The following CNTN3 variants were observed in gnomAD, a reference collection of about 807,000 sequenced individuals.
CNTN3 encodes the protein contactin-3.
Under a neutral mutation model 119.1 loss-of-function variants are expected in CNTN3, and 60 were observed. The ratio of observed to expected loss-of-function variants is 0.50; its 90% CI spans 0.41 to 0.62. The LOEUF is 0.62. CNTN3 is among the 20% of genes least tolerant of loss of function. CNTN3 has a pLI of 0.00. For missense variants in CNTN3, 1,101 were observed against 1,242.4 expected (o/e 0.89, Z 1.71); for synonymous variants, 450 against 438.7 (o/e 1.03, Z -0.32).
chr3:74,428,060 T>C (rs551912596), intron 4 of CNTN3, among the ~76,000 whole-genome samples: 47 of 152,242 alleles, frequency 3.1e-4, no homozygotes, highest in African/African-American at 1.1e-3. Flanking sequence ...ATCATAGGCA[T>C]CATGACATAG....
chr3:74,366,102 C>A (rs1294143396), intron 8 of CNTN3, among the ~76,000 whole-genome samples: 1 of 152,056 alleles, frequency 6.6e-6, no homozygotes, highest in East Asian at 1.9e-4. Context: ...TGAATGACAG[C>A]ATATATTGTT....
At chr3:74,567,938 A>T (rs1295909738) in intron 1 of CNTN3, among the ~76,000 whole-genome samples, 1 of 152,208 alleles carries the variant, frequency 6.6e-6, no homozygotes, top group Non-Finnish European at 1.5e-5. Context: ...CAAGATTTTA[A>T]CAATTCCCAG....
At chr3:74,307,629 T>C (rs1283104275) in intron 13 of CNTN3, among the ~76,000 whole-genome samples, 5 of 152,124 alleles carry the variant, frequency 3.3e-5, no homozygotes, top group African/African-American at 1.2e-4. Context: ...CCTGATTTGA[T>C]AACCCATACC....
intron 13 of CNTN3, among the ~76,000 whole-genome samples, chr3:74,318,148 C>T (rs1054635636): frequency 2.0e-5 from 3 of 152,210 alleles, no homozygotes; most frequent in East Asian, 3.9e-4. Context: ...GAGGTTTCTG[C>T]ATTCTTCACG....
At chr3:74,446,317 G>A (rs993437155) in intron 4 of CNTN3, among the ~76,000 whole-genome samples, 1 of 152,128 alleles carries the variant, frequency 6.6e-6, no homozygotes, top group African/African-American at 2.4e-5. Context: ...TGCATTAATT[G>A]TGGCAGAAAA....
intron 1 of CNTN3, among the ~76,000 whole-genome samples, chr3:74,570,161 G>A (rs1009348157): frequency 6.6e-6 from 1 of 151,962 alleles, no homozygotes; most frequent in East Asian, 1.9e-4. Context: ...TGATATCATG[G>A]AGTATCATGG....
chr3:74,335,609 T>A (rs547770409), intron 12 of CNTN3, among the ~76,000 whole-genome samples: 1 of 152,208 alleles, frequency 6.6e-6, no homozygotes, highest in Admixed American at 6.5e-5. Context: ...GCTAGTCAAT[T>A]CCCTCTTTAA....
rs142979363 is a variant in CNTN3 at position 74,325,402 on chromosome 3, A to C, written c.1668+9333T>G. Among the ~76,000 whole-genome samples, 471 of 152,308 alleles carry C rather than the reference A, an allele frequency of 3.1e-3. 6 individuals carry two copies. The highest frequency in any genetic ancestry group is 0.011 in the African/African-American group (457 of 41,572). On this transcript the variant is annotated intron_variant, in intron 13 of 22. Transcript: ENST00000263665. ...TTATAATTCCCAATCTTTCCTCAGT[A>C]TCCAAATTCCTAATAAGCAAATGGA...
Position 74,495,781 on chromosome 3 carries a change from C to G in CNTN3, c.182+3878G>C, listed in dbSNP as rs375391040. On this transcript the variant is annotated intron_variant, in intron 3 of 22. Transcript: ENST00000263665. ...AACCATGTTTAAGGGCAACTGTGGC[C>G]AGGAAAGACCTCCACTTTGCAATGA... is the stretch of plus-strand genomic sequence containing the variant. 1.7e-3 allele frequency among the ~76,000 whole-genome samples: 262 copies of G among 152,100 alleles called. 1 individual carries two copies. In the South Asian group the frequency reaches 0.024, roughly 14 times the overall value.
chr3:74,517,605 C>T (rs957889117), intron 2 of CNTN3, among the ~76,000 whole-genome samples: 2 of 151,884 alleles, frequency 1.3e-5, no homozygotes, highest in African/African-American at 2.4e-5. Flanking sequence ...AGGCTTCCTA[C>T]TCACAAGCCT....
chr3:74,438,578 T>G (rs1384828966), intron 4 of CNTN3, among the ~76,000 whole-genome samples: 1 of 152,212 alleles, frequency 6.6e-6, no homozygotes, highest in Non-Finnish European at 1.5e-5. Context: ...CTAGTTTACC[T>G]GTATTTATCC....
chr3:74,610,389 G>T lies in CNTN3; in HGVS notation c.-81+4002C>A, dbSNP rs540878888. 2.6e-5 allele frequency among the ~76,000 whole-genome samples: 4 copies of T among 151,960 alleles called. No homozygotes were observed. The South Asian group carries it at 8.3e-4, about 32-fold the overall frequency. ...TGTGCACACGTGTGTGCGTATGTGTGTTTAGGCGTTAGGGCTGGACAGGGC... is the reference window on the plus strand; with the variant it reads ...TGTGCACACGTGTGTGCGTATGTGTTTTTAGGCGTTAGGGCTGGACAGGGC... On this transcript the variant is annotated intron_variant, in intron 1 of 22. Transcript: ENST00000263665.
chr3:74,608,007 T>C (rs1705021480), intron 1 of CNTN3, among the ~76,000 whole-genome samples: 1 of 152,208 alleles, frequency 6.6e-6, no homozygotes, highest in Non-Finnish European at 1.5e-5. Flanking sequence ...GCAGGACAGA[T>C]ATATACAATG....
At chr3:74,552,959 T>A (rs892096820) in intron 1 of CNTN3, among the ~76,000 whole-genome samples, 1 of 152,142 alleles carries the variant, frequency 6.6e-6, no homozygotes, top group Non-Finnish European at 1.5e-5. Flanking sequence ...AATTGTACTT[T>A]AAGTTATGAG....
At chr3:74,330,727 C>A (rs1286642533) in intron 13 of CNTN3, among the ~76,000 whole-genome samples, 1 of 152,086 alleles carries the variant, frequency 6.6e-6, no homozygotes, top group Non-Finnish European at 1.5e-5. Flanking sequence ...CCCCTGCAGA[C>A]CTCCCAGTGA....
intron 5 of CNTN3, among the ~76,000 whole-genome samples, chr3:74,406,169 A>G (rs944936673): frequency 1.3e-5 from 2 of 152,138 alleles, no homozygotes; most frequent in African/African-American, 2.4e-5. Context: ...CAAATTAGGG[A>G]AAAATGTATC....
At chr3:74,571,190 T>C (rs1704327600) in intron 1 of CNTN3, among the ~76,000 whole-genome samples, 1 of 152,206 alleles carries the variant, frequency 6.6e-6, no homozygotes, top group African/African-American at 2.4e-5. Flanking sequence ...ATTTAATACA[T>C]ATGAAGTGTT....
chr3:74,597,071 G>T (rs1167075912), intron 1 of CNTN3, among the ~76,000 whole-genome samples: 1 of 151,954 alleles, frequency 6.6e-6, no homozygotes, highest in Non-Finnish European at 1.5e-5. Context: ...AAATTCTAAG[G>T]TTACAACTTA....
At chr3:74,439,180 G>A (rs1701919727) in intron 4 of CNTN3, among the ~76,000 whole-genome samples, 1 of 152,192 alleles carries the variant, frequency 6.6e-6, no homozygotes, top group South Asian at 2.1e-4. Context: ...GTGAAATGAA[G>A]ATTACTTTTT....
Sources: allele counts gnomAD v4.1 joint callset (sites outside exome capture counted in the v4.1 genomes callset), GRCh38; gene constraint gnomAD v4.1.1; transcripts MANE v1.5; gene names NCBI Gene and HGNC (gene_info 2026-07-23, HGNC 2026-07-21).